The following FRRS1L variants were observed in gnomAD, a reference collection of about 807,000 sequenced individuals.
FRRS1L encodes the protein DOMON domain-containing protein FRRS1L.
In FRRS1L, 22 loss-of-function variants were observed where a neutral mutation model predicts 28.6. The observed-to-expected ratio is 0.77, with a 90% CI of 0.55 to 1.10. The LOEUF is 1.10. Ranked by LOEUF, FRRS1L falls within the 50% of genes least tolerant of loss-of-function variation. The pLI is 0.00. For synonymous variants in FRRS1L, 158 were observed against 151.4 expected, an observed-to-expected ratio of 1.04 and a Z score of -0.32; for missense variants, 380 against 386.9, an observed-to-expected ratio of 0.98 and a Z score of 0.15.
At chr9:109,141,738 A>G in intron 3 of FRRS1L, 149 bp from the exon 4 acceptor site, 1 of 723,834 alleles carries the variant, frequency 1.4e-6, no homozygotes, top group Non-Finnish European at 2.2e-6. Flanking sequence ...CAACCAGGAG[A>G]CCAAAGTTAC....
At chr9:109,140,978 C>G (rs558773066) in intron 4 of FRRS1L, 2 of 225,162 alleles carry the variant, frequency 8.9e-6, no homozygotes, top group Non-Finnish European at 1.8e-5. Context: ...TCTCTAAAAT[C>G]AGGACAATAA....
chr9:109,159,786 C>A (rs1201246593), intron 1 of FRRS1L, among the ~76,000 whole-genome samples: 2 of 152,208 alleles, frequency 1.3e-5, no homozygotes, highest in Non-Finnish European at 2.9e-5. Flanking sequence ...GTGACCTCCA[C>A]CAACCAGTGT....
intron 2 of FRRS1L, among the ~76,000 whole-genome samples, chr9:109,148,916 C>A (rs1831295535): frequency 6.6e-6 from 1 of 152,050 alleles, no homozygotes; most frequent in African/African-American, 2.4e-5. Context: ...GCTCAAAGCC[C>A]CTGTATTCAA....
intron 1 of FRRS1L, among the ~76,000 whole-genome samples, chr9:109,155,641 T>G (rs137998160): frequency 6.7e-6 from 1 of 148,644 alleles, no homozygotes; most frequent in African/African-American, 2.5e-5. Flanking sequence ...GAGGTGGAGG[T>G]TGCAGTGAGC....
At position 109,137,036 on chromosome 9, in the gene FRRS1L, GT is replaced by G. The variant is rs1165560796; in HGVS notation, c.*418del. 1 of 152,934 alleles carries G rather than the reference GT, an allele frequency of 6.5e-6. No individual in the cohort carries two copies. The allele number at this position is 152,934 out of a possible 1,614,324, so 9.5% of individuals were successfully genotyped here. A position where few individuals can be genotyped will look rare whatever the true frequency, so the allele number is the denominator to read the frequency against. On this transcript the variant is annotated 3_prime_UTR_variant, in exon 5 of 5. Transcript: ENST00000561981. Reference sequence around the variant, plus strand: ...TGCTATAGCACTCATAGTAAAGACTGTTTTGAGACATGATTTCTATACTTAG... The same window carrying G: ...TGCTATAGCACTCATAGTAAAGACTGTTTGAGACATGATTTCTATACTTAG...
chr9:109,156,689 G>A (rs1267098109), intron 1 of FRRS1L, among the ~76,000 whole-genome samples: 1 of 133,524 alleles, frequency 7.5e-6, no homozygotes, highest in Non-Finnish European at 1.6e-5. Context: ...GCACCTGGAT[G>A]TTTTTTTTTT....
chr9:109,152,803 CAAAAAAAAAAAAAAAAAAAAAA>C (rs59385693), intron 1 of FRRS1L, among the ~76,000 whole-genome samples: 1 of 24,116 alleles, frequency 4.1e-5, no homozygotes, highest in Non-Finnish European at 6.6e-5. Flanking sequence ...GACTCCATCT[CAAAAAAAAAAAAAAAAAAAAAA>C]AAAAAAAAAA....
intron 1 of FRRS1L, among the ~76,000 whole-genome samples, chr9:109,159,771 A>G (rs1440722294): frequency 6.6e-6 from 1 of 152,182 alleles, no homozygotes; most frequent in Non-Finnish European, 1.5e-5. Context: ...AAGAGAACAA[A>G]AAGAGTGACC....
intron 1 of FRRS1L, among the ~76,000 whole-genome samples, chr9:109,153,150 T>A (rs1831356982): frequency 1.3e-5 from 2 of 152,144 alleles, no homozygotes; most frequent in South Asian, 2.1e-4. Flanking sequence ...AATGGGAGTG[T>A]TTTTGTTCTT....
rs1171138073 is a variant in FRRS1L, at chr9:109,166,546, C to T, written c.238+355G>A. 4.6e-5 allele frequency among the ~76,000 whole-genome samples: 7 copies of T among 152,210 alleles called. No homozygotes were observed. In the South Asian group the frequency reaches 1.5e-3, roughly 32 times the overall value. ...GATGGCGGCCTCCTCCCCTATAACC[C>T]AACCCCAGGCGGCAAAGGTGGAAGC... On this transcript the variant is annotated intron_variant, in intron 1 of 4. Transcript: ENST00000561981.
chr9:109,165,502 C>CT (rs1468117655), intron 1 of FRRS1L, among the ~76,000 whole-genome samples: 1 of 152,204 alleles, frequency 6.6e-6, no homozygotes, highest in African/African-American at 2.4e-5. Flanking sequence ...CAACCAGACT[C>CT]TTATCAGAGA....
chr9:109,162,781 A>T (rs939321020), intron 1 of FRRS1L, among the ~76,000 whole-genome samples: 1 of 152,222 alleles, frequency 6.6e-6, no homozygotes, highest in Admixed American at 6.5e-5. Flanking sequence ...TGGGGGAAGG[A>T]TATAGGAAGA....
chr9:109,157,203 A>G (rs1171221140), intron 1 of FRRS1L, among the ~76,000 whole-genome samples: 2 of 152,184 alleles, frequency 1.3e-5, no homozygotes, highest in African/African-American at 4.8e-5. Context: ...ATCTTACAGC[A>G]TTGTAATCAG....
rs554776255 is a variant in FRRS1L, at chr9:109,145,416, A to C, written c.462+1635T>G. Among the ~76,000 whole-genome samples the C allele has an allele frequency of 7.9e-5, 12 of 152,296 alleles. No homozygotes were observed. The East Asian group carries it at 2.3e-3, about 29-fold the overall frequency. On this transcript the variant is annotated intron_variant, in intron 3 of 4. Transcript: ENST00000561981. The stretch of plus-strand genomic sequence containing the variant: ...AATGAAGCCTCCACAAATATTCAAA[A>C]AGAGGCCAGGCACGGAAGTGCCTGT...
intron 1 of FRRS1L, among the ~76,000 whole-genome samples, chr9:109,161,447 A>G (rs1162425401): frequency 1.3e-5 from 2 of 152,020 alleles, no homozygotes; most frequent in African/African-American, 4.8e-5. Context: ...CTTTCAGTAA[A>G]TTCTGTTTTG....
Position 109,137,508 on chromosome 9 carries a change from A to G in FRRS1L, c.829T>C (p.Cys277Arg). ...GTCAGAGCAACAATCAGAAGCAAAC[A>G]AAATGGAGATGAGAAGGTTTGATAG... ...AAYQTFSSPF[C>R]LLLIVALTFY... The change falls in exon 5 of 5, where the codon TGT becomes CGT. Residue 277 changes from cysteine to arginine, a missense_variant. Cys to Arg is a radical substitution (Grantham distance 180). Transcript: ENST00000561981. 6.2e-7 allele frequency: 1 copy of G among 1,613,504 alleles called. No individual in the cohort carries two copies. The highest frequency in any genetic ancestry group is 1.1e-5 in the South Asian group (1 of 90,988).
rs769545466 is a variant in FRRS1L at position 109,141,521 on chromosome 9, A to G, written c.531T>C (p.Asn177=). 6.2e-6 allele frequency: 10 copies of G among 1,614,120 alleles called. No individual in the cohort carries two copies. Among genetic ancestry groups the G allele is most frequent in the Middle Eastern group, 1.6e-4 (1 of 6,062 alleles). Residue 177 remains asparagine (N), a synonymous_variant, in exon 4 of 5, where the codon AAT becomes AAC. Coordinates refer to ENST00000561981, the MANE Select transcript of FRRS1L (RefSeq NM_014334.4). ...NGRVRIQHFY[N]VGQWAKEIQR... ...GAATCTCCTTTGCCCACTGGCCTAC[A>G]TTATAGAAGTGCTGTATGCGGACCC...
intron 3 of FRRS1L, among the ~76,000 whole-genome samples, chr9:109,146,739 A>C (rs1321854151): frequency 6.6e-6 from 1 of 152,166 alleles, no homozygotes; most frequent in African/African-American, 2.4e-5. Context: ...GCTGCACCCC[A>C]GTCAATCCAT....
rs932456362 is a variant in FRRS1L, at chr9:109,135,134, C to G, written c.*2321G>C. 1 of 152,130 alleles carries G rather than the reference C, an allele frequency of 6.6e-6. No individual in the cohort carries two copies. The highest frequency in any genetic ancestry group is 1.5e-5 in the Non-Finnish European group (1 of 68,040). 9.4% of individuals were successfully genotyped at this position (152,130 alleles called of 1,614,324 possible). A position where few individuals can be genotyped will look rare whatever the true frequency, so the allele number is the denominator to read the frequency against. ...ACTCCAGGAGAATGTGAAAGCTCTC[C>G]CCACAGGCAGACTTTCACCTGTGAC... On this transcript the variant is annotated 3_prime_UTR_variant, in exon 5 of 5. Coordinates refer to ENST00000561981, the MANE Select transcript of FRRS1L (RefSeq NM_014334.4).
Sources: gnomAD v4.1 joint callset for allele counts (sites outside exome capture counted in the v4.1 genomes callset) on GRCh38, gnomAD v4.1.1 for gene constraint, MANE v1.5 for transcripts, NCBI Gene and HGNC (gene_info 2026-07-23, HGNC 2026-07-21) for gene names.